Variants in MALRD1 observed in about 807,000 individuals in gnomAD.
MALRD1 encodes MAM and LDL-receptor class A domain-containing protein 1.
In MALRD1, 247 loss-of-function variants were observed where a neutral mutation model predicts 242.1. The observed-to-expected ratio is 1.02, with a 90% CI of 0.92 to 1.13. MALRD1 has a LOEUF of 1.13. Among genes scored for constraint, MALRD1 ranks in the 50% most tolerant of loss-of-function variants. The pLI, the probability that MALRD1 is intolerant of heterozygous loss-of-function variation, is 0.00. For missense variants in MALRD1, 2,989 were observed against 2,533.1 expected, an observed-to-expected ratio of 1.18 and a Z score of -3.86; for synonymous variants, 995 against 866.6, an observed-to-expected ratio of 1.15 and a Z score of -2.60.
At chr10:19,645,057 TTTC>T (rs1840584497) in intron 36 of MALRD1, among the ~76,000 whole-genome samples, 1 of 152,246 alleles carries the variant, frequency 6.6e-6, no homozygotes, top group Admixed American at 6.5e-5. Flanking sequence ...TCAGATCATT[TTTC>T]TTATTTTCTC....
chr10:19,121,563 A>C (rs1564405038), intron 5 of MALRD1, among the ~76,000 whole-genome samples: 1 of 152,150 alleles, frequency 6.6e-6, no homozygotes, highest in African/African-American at 2.4e-5. Context: ...AGTTTTGGCC[A>C]TTTAGGTCCT....
intron 18 of MALRD1, among the ~76,000 whole-genome samples, chr10:19,248,314 A>G (rs963405362): frequency 6.6e-6 from 1 of 151,970 alleles, no homozygotes; most frequent in African/African-American, 2.4e-5. Context: ...TTATTTTGGG[A>G]AAACATTTAT....
chr10:19,161,524 T>G (rs1175042740), intron 12 of MALRD1, among the ~76,000 whole-genome samples: 1 of 52,222 alleles, frequency 1.9e-5, no homozygotes. Context: ...AATAAATAAA[T>G]ATAATAAAAA....
intron 25 of MALRD1, among the ~76,000 whole-genome samples, chr10:19,350,271 CTT>C (rs202204577): frequency 2.5e-5 from 3 of 118,498 alleles, no homozygotes; most frequent in Non-Finnish European, 1.7e-5. Context: ...TTCTTTTTTT[CTT>C]TTTTTTTTTT....
At chr10:19,516,524 A>G (rs1454934853) in intron 31 of MALRD1, among the ~76,000 whole-genome samples, 1 of 152,206 alleles carries the variant, frequency 6.6e-6, no homozygotes, top group Non-Finnish European at 1.5e-5. Context: ...TCCGTGGAAC[A>G]AGATTGCTTT....
At chr10:19,717,488 C>T (rs1834445009) in intron 38 of MALRD1, among the ~76,000 whole-genome samples, 1 of 152,180 alleles carries the variant, frequency 6.6e-6, no homozygotes, top group African/African-American at 2.4e-5. Context: ...CCCTCCATAA[C>T]ATCTGGGCCA....
chr10:19,467,729 A>G (rs894126424), intron 29 of MALRD1, among the ~76,000 whole-genome samples: 5 of 151,372 alleles, frequency 3.3e-5, no homozygotes, highest in African/African-American at 1.2e-4. Context: ...TTCCCTTTAC[A>G]AAATGCTAGT....
intron 6 of MALRD1, 31 bp from the exon 7 acceptor site, chr10:19,124,493 T>G (rs567399722): frequency 8.1e-7 from 1 of 1,233,526 alleles, no homozygotes; most frequent in South Asian, 4.1e-5. Flanking sequence ...AGCAGACTAA[T>G]AGTCCACCAA....
chr10:19,694,925 A>T (rs1833296267), intron 38 of MALRD1, among the ~76,000 whole-genome samples: 1 of 152,324 alleles, frequency 6.6e-6, no homozygotes, highest in South Asian at 2.1e-4. Flanking sequence ...CTTTGCAGGG[A>T]CATGGATGAA....
intron 8 of MALRD1, among the ~76,000 whole-genome samples, chr10:19,129,130 T>C (rs1837373525): frequency 6.6e-6 from 1 of 152,080 alleles, no homozygotes; most frequent in Non-Finnish European, 1.5e-5. Context: ...CACTGCTACA[T>C]GAAGATAGTA....
intron 18 of MALRD1, among the ~76,000 whole-genome samples, chr10:19,239,947 G>GTTAT (rs1360343198): frequency 6.6e-6 from 1 of 152,096 alleles, no homozygotes; most frequent in Non-Finnish European, 1.5e-5. Flanking sequence ...CTCCAGCTTT[G>GTTAT]TTATTTTTGC....
chr10:19,567,865 T>G (rs991267906), intron 33 of MALRD1, among the ~76,000 whole-genome samples, 162 bp downstream of exon 33: 1 of 152,226 alleles, frequency 6.6e-6, no homozygotes, highest in Non-Finnish European at 1.5e-5. Context: ...TCTCTGCCTA[T>G]GAACTTCGCC....
At chr10:19,660,621 T>G (rs1841385108) in intron 36 of MALRD1, among the ~76,000 whole-genome samples, 2 of 152,186 alleles carry the variant, frequency 1.3e-5, no homozygotes, top group African/African-American at 4.8e-5. Context: ...CTTGACTTGC[T>G]TTTGAGAGTA....
At chr10:19,163,016 T>C (rs1834500598) in intron 12 of MALRD1, among the ~76,000 whole-genome samples, 2 of 151,012 alleles carry the variant, frequency 1.3e-5, no homozygotes, top group African/African-American at 2.4e-5. Flanking sequence ...TGCAAGCCTG[T>C]AGTCCCAATT....
intron 28 of MALRD1, among the ~76,000 whole-genome samples, chr10:19,438,344 A>C (rs960937844): frequency 2.6e-5 from 4 of 152,164 alleles, no homozygotes; most frequent in Non-Finnish European, 5.9e-5. Flanking sequence ...AGGCTGAATA[A>C]TATTCCATTT....
At chr10:19,529,367 T>C (rs1834236414) in intron 31 of MALRD1, among the ~76,000 whole-genome samples, 1 of 152,116 alleles carries the variant, frequency 6.6e-6, no homozygotes, top group Non-Finnish European at 1.5e-5. Flanking sequence ...TATAAAATGG[T>C]ATGATGATAT....
chr10:19,244,160 A>G (rs1293409107), intron 18 of MALRD1, among the ~76,000 whole-genome samples: 1 of 152,064 alleles, frequency 6.6e-6, no homozygotes, highest in Non-Finnish European at 1.5e-5. Context: ...GATTCCTACC[A>G]CATCACATCA....
chr10:19,393,725 G>A (rs763521148), intron 28 of MALRD1, among the ~76,000 whole-genome samples: 5 of 151,834 alleles, frequency 3.3e-5, no homozygotes, highest in Non-Finnish European at 7.4e-5. Flanking sequence ...CAAAGTGCTG[G>A]ATTACAGGCG....
chr10:19,171,519 TATAA>T (rs1588646783), intron 13 of MALRD1, among the ~76,000 whole-genome samples: 24 of 144,232 alleles, frequency 1.7e-4, no homozygotes, highest in East Asian at 6.4e-4. Context: ...TATGTGTGTA[TATAA>T]ATACACACAC....
Sources: gnomAD v4.1 joint callset for allele counts (sites outside exome capture counted in the v4.1 genomes callset) on GRCh38, gnomAD v4.1.1 for gene constraint, MANE v1.5 for transcripts, NCBI Gene and HGNC (gene_info 2026-07-23, HGNC 2026-07-21) for gene names.